The following TENM4 variants were observed in gnomAD, a reference collection of about 807,000 sequenced individuals.
TENM4 encodes teneurin-4.
Under a neutral mutation model 243.3 loss-of-function variants are expected in TENM4, and 82 were observed. The ratio of observed to expected loss-of-function variants is 0.34; its 90% CI spans 0.28 to 0.40. The LOEUF (loss-of-function observed/expected upper bound fraction) is 0.40, where lower values mean the gene tolerates loss of function less well. TENM4 is among the 10% of genes least tolerant of loss of function. TENM4 has a pLI of 1.00. For synonymous variants in TENM4, 1,412 were observed against 1,456.3 expected (o/e 0.97, Z 0.69); for missense variants, 3,138 against 3,673.3 (o/e 0.85, Z 3.77).
At chr11:79,132,196 AT>A (rs1862017819) in intron 4 of TENM4, among the ~76,000 whole-genome samples, 1 of 151,508 alleles carries the variant, frequency 6.6e-6, no homozygotes, top group Non-Finnish European at 1.5e-5. Context: ...CAAAAAAAAA[AT>A]GAGCCGGGCG....
At chr11:78,927,627 C>G (rs1856580530) in intron 6 of TENM4, among the ~76,000 whole-genome samples, 1 of 152,168 alleles carries the variant, frequency 6.6e-6, no homozygotes, top group Admixed American at 6.5e-5. Context: ...TCTCAAAGCG[C>G]TTATTCAACC....
chr11:78,901,815 A>G (rs1249852731), intron 7 of TENM4, among the ~76,000 whole-genome samples: 1 of 152,230 alleles, frequency 6.6e-6, no homozygotes, highest in Non-Finnish European at 1.5e-5. Context: ...TGCCAACAGA[A>G]ATAATATAAA....
chr11:79,318,460 T>C (rs1428177971), intron 1 of TENM4, among the ~76,000 whole-genome samples: 2 of 152,132 alleles, frequency 1.3e-5, no homozygotes, highest in Non-Finnish European at 2.9e-5. Flanking sequence ...CAACTGACTT[T>C]CCAGAAGAGG....
chr11:79,349,464 A>C (rs576102488), intron 1 of TENM4, among the ~76,000 whole-genome samples: 119 of 152,304 alleles, frequency 7.8e-4, no homozygotes, highest in African/African-American at 2.8e-3. Context: ...ATTTCTACAT[A>C]TTGTTGAGTC....
intron 7 of TENM4, among the ~76,000 whole-genome samples, chr11:78,900,848 G>A (rs1270686232): frequency 6.6e-6 from 1 of 152,132 alleles, no homozygotes; most frequent in Non-Finnish European, 1.5e-5. Context: ...CTCCTAAACC[G>A]TGCCTTGTTA....
intron 4 of TENM4, among the ~76,000 whole-genome samples, chr11:79,124,008 A>G (rs1157474409): frequency 6.6e-6 from 1 of 152,092 alleles, no homozygotes; most frequent in African/African-American, 2.4e-5. Context: ...CTGATGTATC[A>G]CAGAACACAG....
chr11:78,702,082 TG>T lies in TENM4; in HGVS notation c.4530del (p.Ser1511ValfsTer26). ...GCATCATTTTTACAGTCACAGCCAC[TG>T]GGGGCCCCAGCAACGAGTGAGATCT... ...SGEISLVAGA[P>X]SGCDCKNDAN... On this transcript the variant is annotated frameshift_variant, in exon 28 of 34. Coordinates refer to ENST00000278550, the MANE Select transcript of TENM4 (RefSeq NM_001098816.3). LOFTEE classifies it high-confidence loss of function. The T allele has an allele frequency of 6.2e-7, 1 of 1,613,888 alleles. No individual in the cohort carries two copies.
At chr11:79,200,861 G>A (rs1196490282) in intron 3 of TENM4, among the ~76,000 whole-genome samples, 1 of 152,206 alleles carries the variant, frequency 6.6e-6, no homozygotes, top group African/African-American at 2.4e-5. Flanking sequence ...GGCATTACAA[G>A]TGACTCATAC....
intron 12 of TENM4, among the ~76,000 whole-genome samples, chr11:78,827,727 G>A (rs1290712600): frequency 6.6e-6 from 1 of 152,096 alleles, no homozygotes; most frequent in East Asian, 1.9e-4. Flanking sequence ...AACCTCAGGT[G>A]ATCTGCCTGC....
chr11:78,760,707 T>C (rs1210767347), intron 18 of TENM4, among the ~76,000 whole-genome samples: 1 of 152,148 alleles, frequency 6.6e-6, no homozygotes, highest in Non-Finnish European at 1.5e-5. Flanking sequence ...TCTTTGAATA[T>C]CCTCCTCTCC....
chr11:79,164,272 T>C (rs1325845871), intron 3 of TENM4, among the ~76,000 whole-genome samples: 1 of 126,232 alleles, frequency 7.9e-6, no homozygotes, highest in African/African-American at 3.3e-5. Context: ...GATATACTAG[T>C]ATATATAGTA....
At chr11:78,715,096 A>G (rs938927250) in intron 25 of TENM4, among the ~76,000 whole-genome samples, 5 of 152,150 alleles carry the variant, frequency 3.3e-5, no homozygotes, top group South Asian at 2.1e-4. Flanking sequence ...TTGCATTCGC[A>G]TTATTTAGCT....
chr11:78,981,848 T>C (rs567836872), intron 6 of TENM4, among the ~76,000 whole-genome samples: 2 of 152,266 alleles, frequency 1.3e-5, no homozygotes, highest in East Asian at 3.9e-4. Flanking sequence ...TCCACCCTTA[T>C]TGTTGAGCCA....
intron 9 of TENM4, among the ~76,000 whole-genome samples, chr11:78,876,985 T>A (rs1004257777): frequency 3.3e-5 from 5 of 152,220 alleles, no homozygotes; most frequent in African/African-American, 1.2e-4. Context: ...AGATGTTCTC[T>A]TGCTTAATGC....
chr11:78,703,155 G>A (rs574565104), intron 27 of TENM4, among the ~76,000 whole-genome samples: 44 of 152,182 alleles, frequency 2.9e-4, no homozygotes, highest in Non-Finnish European at 5.4e-4. Flanking sequence ...TTGGAGCTTG[G>A]GCATCGGCAT....
At chr11:79,373,330 C>CTGGCTGGATGGA (rs1555056887) in intron 1 of TENM4, among the ~76,000 whole-genome samples, 1 of 96,138 alleles carries the variant, frequency 1.0e-5, no homozygotes, top group African/African-American at 5.2e-5. Context: ...GGCTGGCTGG[C>CTGGCTGGATGGA]TGGATGGATG....
chr11:78,769,709 C>A (rs1856609361), intron 18 of TENM4, among the ~76,000 whole-genome samples: 1 of 151,756 alleles, frequency 6.6e-6, no homozygotes, highest in South Asian at 2.1e-4. Flanking sequence ...CCCATAAGCT[C>A]CCTGTTGACA....
chr11:79,245,938 TAAAAAAAAAAAAAAA>T (rs1199883938), intron 2 of TENM4, among the ~76,000 whole-genome samples: 2 of 64,908 alleles, frequency 3.1e-5, no homozygotes, highest in Non-Finnish European at 6.3e-5. Flanking sequence ...AGACTTTGTC[TAAAAAAAAAAAAAAA>T]AAAAAAAAAG....
intron 23 of TENM4, among the ~76,000 whole-genome samples, chr11:78,723,129 A>T (rs1014480259): frequency 2.0e-5 from 3 of 152,252 alleles, no homozygotes; most frequent in African/African-American, 7.2e-5. Context: ...TAGCTCTGTA[A>T]GATAGACACT....
Sources: gnomAD v4.1 joint callset for allele counts (sites outside exome capture counted in the v4.1 genomes callset) on GRCh38, gnomAD v4.1.1 for gene constraint, MANE v1.5 for transcripts, NCBI Gene and HGNC (gene_info 2026-07-23, HGNC 2026-07-21) for gene names.